RUNX2: variants seen among roughly 807,000 people sequenced by gnomAD.
The protein encoded by RUNX2 is RUNX family transcription factor 2, also known as runt-related transcription factor 2.
RUNX2 carries 10 observed loss-of-function variants against 51.7 expected under a neutral mutation model. That is an observed-to-expected ratio of 0.19 (90% CI 0.12 to 0.33). The LOEUF is 0.33. Among genes scored for constraint, RUNX2 ranks in the 10% least tolerant of loss-of-function variants. The pLI, the probability that RUNX2 is intolerant of heterozygous loss-of-function variation, is 1.00. For synonymous variants in RUNX2, 276 were observed against 273.6 expected, an observed-to-expected ratio of 1.01 and a Z score of -0.09; for missense variants, 562 against 691.3, an observed-to-expected ratio of 0.81 and a Z score of 2.10.
chr6:45,447,552 C>T (rs139566893), intron 5 of RUNX2, among the ~76,000 whole-genome samples: 280 of 152,264 alleles, frequency 1.8e-3, no homozygotes, highest in Non-Finnish European at 3.3e-3. Context: ...TAAAATTAAT[C>T]ATGATCTCTG....
chr6:45,547,374 G>A lies in RUNX2; in HGVS notation c.*69G>A. 8.3e-7 allele frequency: 1 copy of A among 1,206,570 alleles called. No homozygotes were observed. Among genetic ancestry groups the A allele is most frequent in the Non-Finnish European group, 1.2e-6 (1 of 813,318 alleles). 74.7% of individuals were successfully genotyped at this position (1,206,570 alleles called of 1,614,324 possible). A position where few individuals can be genotyped will look rare whatever the true frequency, so the allele number is the denominator to read the frequency against. ...ACACGTATCAATATATACATATATA[G>A]AGAGAGTGCATATATATGTATATCG... On this transcript the variant is annotated 3_prime_UTR_variant, in exon 9 of 9. Transcript: ENST00000647337.
intron 7 of RUNX2, among the ~76,000 whole-genome samples, chr6:45,539,233 CTCTT>C (rs571465267): frequency 1.3e-5 from 2 of 151,866 alleles, no homozygotes; most frequent in East Asian, 3.9e-4. Flanking sequence ...CTCTCTCTCT[CTCTT>C]TTTCCTTCAG....
intron 5 of RUNX2, among the ~76,000 whole-genome samples, chr6:45,457,602 A>G (rs2150384027): frequency 6.6e-6 from 1 of 152,158 alleles, no homozygotes; most frequent in East Asian, 1.9e-4. Flanking sequence ...GCTTTGCCTT[A>G]AGCTACTAAA....
At chr6:45,437,633 A>G (rs560912255) in intron 4 of RUNX2, among the ~76,000 whole-genome samples, 1 of 152,340 alleles carries the variant, frequency 6.6e-6, no homozygotes, top group African/African-American at 2.4e-5. Flanking sequence ...AAACTGAAAG[A>G]AAAAGAACCT....
chr6:45,376,307 T>G (rs1474652134), intron 2 of RUNX2, among the ~76,000 whole-genome samples: 4 of 152,240 alleles, frequency 2.6e-5, no homozygotes, highest in Admixed American at 6.5e-5. Context: ...AGAGCTGGCT[T>G]ATCTGATTTA....
chr6:45,519,463 C>T (rs936140625), intron 7 of RUNX2, among the ~76,000 whole-genome samples: 9 of 152,054 alleles, frequency 5.9e-5, no homozygotes, highest in African/African-American at 1.9e-4. Flanking sequence ...TATCATAATG[C>T]CATGTGTCCA....
chr6:45,542,958 G>A (rs1224271972), intron 7 of RUNX2, among the ~76,000 whole-genome samples: 1 of 152,178 alleles, frequency 6.6e-6, no homozygotes, highest in African/African-American at 2.4e-5. Context: ...CAAATTAAGA[G>A]TTTAGACTTT....
rs116618511 is a variant in RUNX2 at position 45,456,576 on chromosome 6, T to C, written c.685+18525T>C. On this transcript the variant is annotated intron_variant, in intron 5 of 8. Coordinates refer to ENST00000647337, the MANE Select transcript of RUNX2 (RefSeq NM_001024630.4). ...GGTGCTCACAAGATGTTTGGTATGC[T>C]AATCGAATAAGAATATGCTATGTTG... Among the ~76,000 whole-genome samples, 966 of 152,304 alleles carry C rather than the reference T, an allele frequency of 6.3e-3. 9 individuals carry two copies. Among genetic ancestry groups the C allele is most frequent in the African/African-American group, 0.022 (905 of 41,570 alleles).
intron 2 of RUNX2, among the ~76,000 whole-genome samples, chr6:45,406,024 C>T (rs939820952): frequency 1.3e-5 from 2 of 152,150 alleles, no homozygotes; most frequent in Admixed American, 6.5e-5. Flanking sequence ...TTAGAAAATT[C>T]GTTGGTACAT....
intron 2 of RUNX2, among the ~76,000 whole-genome samples, chr6:45,378,142 AG>A (rs1797084983): frequency 6.6e-6 from 1 of 152,130 alleles, no homozygotes; most frequent in Non-Finnish European, 1.5e-5. Context: ...CGCGGCCTTC[AG>A]GGCCCGGCTT....
chr6:45,516,065 G>A (rs1227668097), intron 7 of RUNX2, among the ~76,000 whole-genome samples: 1 of 151,934 alleles, frequency 6.6e-6, no homozygotes, highest in African/African-American at 2.4e-5. Flanking sequence ...TTCAAGCATG[G>A]CAACAATTCT....
At chr6:45,436,207 AT>A (rs773883347) in intron 4 of RUNX2, among the ~76,000 whole-genome samples, 5 of 152,166 alleles carry the variant, frequency 3.3e-5, no homozygotes, top group Non-Finnish European at 7.3e-5. Context: ...CATAGAGCTG[AT>A]TGGGACGCAT....
At chr6:45,332,247 C>T (rs1313215486) in intron 2 of RUNX2, among the ~76,000 whole-genome samples, 2 of 151,576 alleles carry the variant, frequency 1.3e-5, no homozygotes, top group Non-Finnish European at 2.9e-5. Flanking sequence ...TCCCCCTCCC[C>T]CCGATTCAAG....
At chr6:45,419,445 G>GA (rs1057094144) in intron 2 of RUNX2, among the ~76,000 whole-genome samples, 32 of 151,794 alleles carry the variant, frequency 2.1e-4, no homozygotes, top group African/African-American at 2.7e-4. Flanking sequence ...AAAAAGGCAG[G>GA]AAAAAAAAGC....
At chr6:45,373,375 TA>T (rs1396325286) in intron 2 of RUNX2, among the ~76,000 whole-genome samples, 1 of 152,214 alleles carries the variant, frequency 6.6e-6, no homozygotes, top group Non-Finnish European at 1.5e-5. Context: ...CTCATTAGTA[TA>T]ACCTATTAGG....
chr6:45,520,158 C>T (rs1160361057), intron 7 of RUNX2, among the ~76,000 whole-genome samples: 1 of 152,036 alleles, frequency 6.6e-6, no homozygotes, highest in Non-Finnish European at 1.5e-5. Context: ...TTAAAATCAT[C>T]AAAGGTGCTC....
chr6:45,522,838 T>C (rs1215297781), intron 7 of RUNX2, among the ~76,000 whole-genome samples: 1 of 152,248 alleles, frequency 6.6e-6, no homozygotes, highest in Non-Finnish European at 1.5e-5. Context: ...TGACTATTAT[T>C]AGAAATTGGC....
At chr6:45,478,244 C>T (rs940186937) in intron 5 of RUNX2, among the ~76,000 whole-genome samples, 1 of 152,066 alleles carries the variant, frequency 6.6e-6, no homozygotes, top group Admixed American at 6.6e-5. Context: ...TCCAGTATAC[C>T]GTGAGCACCC....
intron 5 of RUNX2, among the ~76,000 whole-genome samples, chr6:45,452,271 G>C (rs573089158): frequency 1.3e-5 from 2 of 152,308 alleles, no homozygotes; most frequent in African/African-American, 4.8e-5. Context: ...TCAACCTCAA[G>C]GAATTTATTG....
Sources: allele counts gnomAD v4.1 joint callset (sites outside exome capture counted in the v4.1 genomes callset), GRCh38; gene constraint gnomAD v4.1.1; transcripts MANE v1.5; gene names NCBI Gene and HGNC (gene_info 2026-07-23, HGNC 2026-07-21).